CACNA2D3: variants seen among roughly 807,000 people sequenced by gnomAD.
The protein encoded by CACNA2D3 is calcium voltage-gated channel auxiliary subunit alpha2delta 3.
A neutral mutation model predicts 160.6 loss-of-function variants in CACNA2D3; 60 were observed. That is an observed-to-expected ratio of 0.37 (90% confidence interval 0.30 to 0.46). CACNA2D3 has a LOEUF of 0.46. Among genes scored for constraint, CACNA2D3 ranks in the 20% least tolerant of loss-of-function variants. CACNA2D3 has a pLI of 1.00. For synonymous variants in CACNA2D3, 558 were observed against 492.9 expected, an observed-to-expected ratio of 1.13 and a Z score of -1.75; for missense variants, 1,205 against 1,365.0, an observed-to-expected ratio of 0.88 and a Z score of 1.85.
At chr3:54,764,878 C>T (rs1702188766) in intron 13 of CACNA2D3, among the ~76,000 whole-genome samples, 1 of 152,160 alleles carries the variant, frequency 6.6e-6, no homozygotes, top group Non-Finnish European at 1.5e-5. Context: ...TGACCATGGG[C>T]CCATTCTAAA....
At chr3:54,748,718 G>A (rs775329280) in intron 11 of CACNA2D3, among the ~76,000 whole-genome samples, 1 of 152,090 alleles carries the variant, frequency 6.6e-6, no homozygotes, top group Non-Finnish European at 1.5e-5. Flanking sequence ...GGTTGTCTGT[G>A]CCGTGCACCT....
intron 11 of CACNA2D3, among the ~76,000 whole-genome samples, chr3:54,728,344 A>G (rs1701316671): frequency 6.6e-6 from 1 of 152,144 alleles, no homozygotes; most frequent in Admixed American, 6.5e-5. Flanking sequence ...TCTCTTCGGT[A>G]GTGTCTAATC....
chr3:55,059,815 A>G (rs1308276967), intron 35 of CACNA2D3, among the ~76,000 whole-genome samples: 1 of 151,960 alleles, frequency 6.6e-6, no homozygotes, highest in Admixed American at 6.6e-5. Context: ...GAATGGGAAG[A>G]TGATCTTCCC....
At chr3:54,765,151 A>G (rs923114261) in intron 13 of CACNA2D3, among the ~76,000 whole-genome samples, 10 of 152,070 alleles carry the variant, frequency 6.6e-5, no homozygotes, top group Admixed American at 6.6e-4. Flanking sequence ...GAGTGATCTC[A>G]ATGGCTGTCA....
intron 2 of CACNA2D3, among the ~76,000 whole-genome samples, chr3:54,199,858 A>G (rs1215963372): frequency 6.6e-6 from 1 of 152,250 alleles, no homozygotes; most frequent in Non-Finnish European, 1.5e-5. Context: ...AAAATATTTG[A>G]TAAATACAAT....
intron 8 of CACNA2D3, among the ~76,000 whole-genome samples, chr3:54,577,127 A>G (rs575823415): frequency 2.6e-5 from 4 of 152,214 alleles, no homozygotes; most frequent in Non-Finnish European, 5.9e-5. Context: ...TACTAAGAAA[A>G]GTAAAAAACG....
At chr3:54,463,764 C>G (rs576509184) in intron 4 of CACNA2D3, among the ~76,000 whole-genome samples, 1 of 152,336 alleles carries the variant, frequency 6.6e-6, no homozygotes, top group Admixed American at 6.5e-5. Flanking sequence ...GCCTTCTTCT[C>G]TGAACTCTTC....
rs149000048 is a variant in CACNA2D3 at position 54,760,908 on chromosome 3, T to C, written c.1247-3310T>C. On this transcript the variant is annotated intron_variant, in intron 12 of 37. Coordinates refer to ENST00000474759, the MANE Select transcript of CACNA2D3 (RefSeq NM_018398.3). The stretch of plus-strand genomic sequence containing the variant: ...TTCGGCCTGAGAATCCTGCTAGTTA[T>C]CCCTGTGGAGGTGTCGGGTATACAG... Among the ~76,000 whole-genome samples the C allele has an allele frequency of 3.0e-3, 457 of 152,224 alleles. 2 individuals are homozygous for C. Among genetic ancestry groups the C allele is most frequent in the African/African-American group, 0.01 (435 of 41,564 alleles).
chr3:55,016,873 AC>A (rs1341331076), intron 34 of CACNA2D3, among the ~76,000 whole-genome samples: 2 of 152,238 alleles, frequency 1.3e-5, no homozygotes, highest in Non-Finnish European at 2.9e-5. Context: ...ATGCTAGGAT[AC>A]TACAAATGCT....
chr3:54,662,875 A>C (rs898927094), intron 11 of CACNA2D3, among the ~76,000 whole-genome samples: 1 of 152,238 alleles, frequency 6.6e-6, no homozygotes, highest in South Asian at 2.1e-4. Flanking sequence ...TTGATGACCA[A>C]CTTAGGCTTG....
At chr3:54,540,282 G>T (rs868551126) in intron 5 of CACNA2D3, among the ~76,000 whole-genome samples, 1 of 152,088 alleles carries the variant, frequency 6.6e-6, no homozygotes, top group South Asian at 2.1e-4. Flanking sequence ...TTCTCCCCTG[G>T]CTAACAGACT....
At chr3:54,869,959 A>G (rs1321628599) in intron 17 of CACNA2D3, among the ~76,000 whole-genome samples, 3 of 152,142 alleles carry the variant, frequency 2.0e-5, no homozygotes, top group Non-Finnish European at 4.4e-5. Context: ...ACTGACCGTG[A>G]ATGTCTGTTA....
chr3:54,456,293 A>G (rs994072358), intron 4 of CACNA2D3, among the ~76,000 whole-genome samples: 4 of 151,730 alleles, frequency 2.6e-5, no homozygotes, highest in Non-Finnish European at 4.4e-5. Flanking sequence ...ATTTATTCTT[A>G]AGTATTTTAT....
chr3:54,928,235 G>A (rs1701084090), intron 27 of CACNA2D3, among the ~76,000 whole-genome samples: 2 of 152,168 alleles, frequency 1.3e-5, no homozygotes, highest in Non-Finnish European at 2.9e-5. Context: ...CGTAAAGAAT[G>A]TTTGTCAAAC....
chr3:54,174,814 T>G (rs1164000872), intron 2 of CACNA2D3, among the ~76,000 whole-genome samples: 1 of 152,222 alleles, frequency 6.6e-6, no homozygotes, highest in Non-Finnish European at 1.5e-5. Flanking sequence ...CGTGAGCCAC[T>G]GTGCCTGGCC....
At chr3:54,265,628 T>G (rs148121082) in intron 2 of CACNA2D3, among the ~76,000 whole-genome samples, 1 of 143,922 alleles carries the variant, frequency 6.9e-6, no homozygotes, top group Non-Finnish European at 1.5e-5. Flanking sequence ...ATATATATAG[T>G]GTGTATATAT....
At chr3:54,689,207 T>A (rs1191584994) in intron 11 of CACNA2D3, among the ~76,000 whole-genome samples, 1 of 152,114 alleles carries the variant, frequency 6.6e-6, no homozygotes, top group Non-Finnish European at 1.5e-5. Flanking sequence ...TTGATTTTCT[T>A]GGCTGCCAGG....
intron 8 of CACNA2D3, among the ~76,000 whole-genome samples, chr3:54,575,457 G>T (rs1702564572): frequency 6.6e-6 from 1 of 152,058 alleles, no homozygotes; most frequent in Admixed American, 6.6e-5. Context: ...TTCCATCAGT[G>T]ATCTTCTCTG....
intron 4 of CACNA2D3, among the ~76,000 whole-genome samples, chr3:54,462,416 C>G (rs990326128): frequency 2.0e-5 from 3 of 152,182 alleles, no homozygotes; most frequent in African/African-American, 7.2e-5. Context: ...GTCTAAGTCT[C>G]TTTGTATGTC....
Sources: allele counts gnomAD v4.1 joint callset (sites outside exome capture counted in the v4.1 genomes callset), GRCh38; gene constraint gnomAD v4.1.1; transcripts MANE v1.5; gene names NCBI Gene and HGNC (gene_info 2026-07-23, HGNC 2026-07-21).